Variants in SLC9A9 observed in about 807,000 individuals in gnomAD.
SLC9A9 encodes the protein solute carrier family 9 member A9.
SLC9A9 carries 62 observed loss-of-function variants against 77.8 expected under a neutral mutation model. The ratio of observed to expected loss-of-function variants is 0.80; its 90% CI spans 0.65 to 0.98. SLC9A9 has a LOEUF of 0.98. Among genes scored for constraint, SLC9A9 ranks in the 50% least tolerant of loss-of-function variants. The probability of loss-of-function intolerance (pLI) is 0.00; values close to 1 mark genes in which losing one functional copy is unlikely to be tolerated. For synonymous variants in SLC9A9, 320 were observed against 283.5 expected (o/e 1.13, Z -1.29); for missense variants, 775 against 774.9 (o/e 1.00, Z 0.00).
At position 143,459,693 on chromosome 3, in the gene SLC9A9, A is replaced by G. The variant is rs913970636; in HGVS notation, c.1469+7344T>C. Among the ~76,000 whole-genome samples, 3 of 151,640 alleles carry G rather than the reference A, an allele frequency of 2.0e-5. No individual in the cohort carries two copies. The East Asian group carries it at 5.8e-4, about 29-fold the overall frequency. On this transcript the variant is annotated intron_variant, in intron 12 of 15. Transcript: ENST00000316549. ...CAACTTTATAGGGTCGATTTCTCAA[A>G]CTCCCTTCTCTCTACAATCTTCTCT...
intron 14 of SLC9A9, among the ~76,000 whole-genome samples, chr3:143,301,061 C>T (rs1156805546): frequency 6.6e-6 from 1 of 152,176 alleles, no homozygotes; most frequent in Non-Finnish European, 1.5e-5. Flanking sequence ...CCACTACCAC[C>T]TTCACCATGA....
intron 4 of SLC9A9, among the ~76,000 whole-genome samples, chr3:143,769,045 T>C (rs1357387256): frequency 6.6e-6 from 1 of 152,166 alleles, no homozygotes; most frequent in African/African-American, 2.4e-5. Flanking sequence ...TGCCTTAGTT[T>C]CCTCACTTGT....
In SLC9A9 at chr3:143,495,329, G is replaced by A; in HGVS notation, c.1203+6C>T. Reference sequence around the variant, plus strand: ...ATCACCCCATGTTCTGTATTTCAAAGGATACAAAGGCTCCAAGTATAAAAA... The same window carrying A: ...ATCACCCCATGTTCTGTATTTCAAAAGATACAAAGGCTCCAAGTATAAAAA... On this transcript the variant is annotated splice_donor_region_variant and intron_variant, in intron 10 of 15. Transcript: ENST00000316549. The A allele has an allele frequency of 6.3e-7, 1 of 1,597,452 alleles. No homozygotes were observed. Among genetic ancestry groups the A allele is most frequent in the Non-Finnish European group, 8.6e-7 (1 of 1,164,874 alleles).
chr3:143,584,984 C>T (rs2037517699), intron 6 of SLC9A9, among the ~76,000 whole-genome samples: 1 of 152,238 alleles, frequency 6.6e-6, no homozygotes, highest in African/African-American at 2.4e-5. Flanking sequence ...GGGAGCCCAG[C>T]TCTCCTCTTT....
At chr3:143,668,986 A>G (rs1360099528) in intron 5 of SLC9A9, among the ~76,000 whole-genome samples, 1 of 152,314 alleles carries the variant, frequency 6.6e-6, no homozygotes, top group East Asian at 1.9e-4. Flanking sequence ...TTATGGAACA[A>G]GAGGACCAAA....
intron 5 of SLC9A9, among the ~76,000 whole-genome samples, chr3:143,667,226 G>C (rs1328589653): frequency 1.3e-5 from 2 of 152,158 alleles, no homozygotes; most frequent in Non-Finnish European, 2.9e-5. Flanking sequence ...AAAAAGAAAT[G>C]GGGAAAGGAT....
chr3:143,334,683 A>T (rs1399432153), intron 14 of SLC9A9, among the ~76,000 whole-genome samples: 2 of 152,198 alleles, frequency 1.3e-5, no homozygotes, highest in Non-Finnish European at 2.9e-5. Flanking sequence ...TAATATTCTG[A>T]TTATAAAGTG....
chr3:143,574,121 C>T lies in SLC9A9; in HGVS notation c.967G>A (p.Ala323Thr). 1 of 1,613,492 alleles carries T rather than the reference C, an allele frequency of 6.2e-7. No homozygotes were observed. Among genetic ancestry groups the T allele is most frequent in the Non-Finnish European group, 8.5e-7 (1 of 1,179,636 alleles). ...CCGGCAGCCTCGGCAGACAGGAAGG[C>T]ACTCCAAGAAAGCAGGAAAAACAGG... ...TGLFFLLSWS[A>T]FLSAEAAGLT... Residue 323 changes from alanine (A) to threonine (T), a missense_variant, in exon 8 of 16, where the codon GCC (alanine) becomes ACC (threonine). Coordinates refer to ENST00000316549, the MANE Select transcript of SLC9A9 (RefSeq NM_173653.4).
chr3:143,266,594 C>A lies in SLC9A9; in HGVS notation c.*108G>T. On this transcript the variant is annotated 3_prime_UTR_variant, in exon 16 of 16. Transcript: ENST00000316549. ...AGGCTTTGATTCTCTCCAATTTATG[C>A]TCTTAATATGTTTTCCAGCCTCTCC... is the stretch of plus-strand genomic sequence containing the variant. The A allele has an allele frequency of 9.2e-7, 1 of 1,086,836 alleles. No homozygotes were observed. The highest frequency in any genetic ancestry group is 2.5e-5 in the East Asian group (1 of 39,770). The allele number at this position is 1,086,836 out of a possible 1,614,324, so 67.3% of individuals were successfully genotyped here.
intron 14 of SLC9A9, among the ~76,000 whole-genome samples, chr3:143,340,301 A>T (rs2108462743): frequency 6.6e-6 from 1 of 152,348 alleles, no homozygotes; most frequent in South Asian, 2.1e-4. Flanking sequence ...ACAATGCTCA[A>T]CACCAGCCTG....
intron 7 of SLC9A9, among the ~76,000 whole-genome samples, chr3:143,576,248 G>A (rs1238868327): frequency 2.6e-5 from 4 of 152,236 alleles, no homozygotes. Flanking sequence ...CTGTAAAATT[G>A]GGATAGTAAC....
chr3:143,416,219 G>A (rs2108523822), intron 12 of SLC9A9, among the ~76,000 whole-genome samples: 1 of 152,192 alleles, frequency 6.6e-6, no homozygotes, highest in South Asian at 2.1e-4. Context: ...CCATGAACAT[G>A]GTTGAAATAA....
At chr3:143,665,562 A>G (rs1305958628) in intron 5 of SLC9A9, among the ~76,000 whole-genome samples, 2 of 152,182 alleles carry the variant, frequency 1.3e-5, no homozygotes, top group African/African-American at 4.8e-5. Context: ...TTTTGAAAAG[A>G]TCAACAAAAT....
rs762783149 is a variant in SLC9A9 at position 143,574,188 on chromosome 3, G to T, written c.900C>A (p.Thr300=). Residue 300 remains threonine (T), a synonymous_variant, in exon 8 of 16, where the codon ACC becomes ACA. Transcript: ENST00000316549. ...GGAACTCACACAGCTTGGTAAATTT[G>T]GTCAAGTGAGGAAGATAAGTTAAGG... ...SAYAIITALL[T]KFTKLCEFPM... 7 of 1,612,328 alleles carry T rather than the reference G, an allele frequency of 4.3e-6. No individual in the cohort carries two copies. In the Admixed American group the frequency reaches 1.2e-4, roughly 27 times the overall value.
intron 14 of SLC9A9, 108 bp downstream of exon 14, chr3:143,363,376 C>G (rs886297898): frequency 1.0e-6 from 1 of 999,822 alleles, no homozygotes; most frequent in African/African-American, 1.6e-5. Flanking sequence ...ATTCACTTTA[C>G]CTTTTGGTGT....
At chr3:143,314,849 G>A (rs1364671354) in intron 14 of SLC9A9, among the ~76,000 whole-genome samples, 1 of 152,224 alleles carries the variant, frequency 6.6e-6, no homozygotes, top group Non-Finnish European at 1.5e-5. Flanking sequence ...TGGGGCAAGA[G>A]CCACACTCTT....
chr3:143,499,861 ATGT>A (rs370429867), intron 9 of SLC9A9, among the ~76,000 whole-genome samples: 86 of 152,278 alleles, frequency 5.6e-4, no homozygotes, highest in African/African-American at 2.0e-3. Flanking sequence ...CACTTTTAAA[ATGT>A]TGTTAATTAC....
At chr3:143,275,221 G>A (rs948935062) in intron 14 of SLC9A9, among the ~76,000 whole-genome samples, 37 of 152,212 alleles carry the variant, frequency 2.4e-4, no homozygotes, top group African/African-American at 8.7e-4. Context: ...ATGCAAAGTT[G>A]TTCCTGAAAA....
intron 4 of SLC9A9, among the ~76,000 whole-genome samples, chr3:143,768,292 G>T (rs1023460948): frequency 4.6e-5 from 7 of 152,124 alleles, no homozygotes; most frequent in African/African-American, 1.4e-4. Flanking sequence ...CACTTGTTAA[G>T]GGGGCACTGC....
Sources: gnomAD v4.1 joint callset for allele counts (sites outside exome capture counted in the v4.1 genomes callset) on GRCh38, gnomAD v4.1.1 for gene constraint, MANE v1.5 for transcripts, NCBI Gene and HGNC (gene_info 2026-07-23, HGNC 2026-07-21) for gene names.